CCDC33: variants seen among roughly 807,000 people sequenced by gnomAD.
The protein encoded by CCDC33 is coiled-coil domain-containing protein 33.
A neutral mutation model predicts 91.9 loss-of-function variants in CCDC33; 94 were observed. The observed-to-expected ratio is 1.02, with a 90% CI of 0.87 to 1.21. The LOEUF (loss-of-function observed/expected upper bound fraction) is 1.21, where lower values mean the gene tolerates loss of function less well. CCDC33 is among the 50% of genes most tolerant of loss of function. The probability of loss-of-function intolerance (pLI) is 0.00; values close to 1 mark genes in which losing one functional copy is unlikely to be tolerated. For synonymous variants in CCDC33, 396 were observed against 374.5 expected (o/e 1.06, Z -0.66); for missense variants, 940 against 935.5 (o/e 1.00, Z -0.06).
chr15:74,247,576 G>A (rs1348753084), intron 2 of CCDC33, among the ~76,000 whole-genome samples: 1 of 152,182 alleles, frequency 6.6e-6, no homozygotes, highest in Non-Finnish European at 1.5e-5. Flanking sequence ...TATGCTAGAT[G>A]AAATAAGCTA....
At chr15:74,306,571 G>A (rs115165811) in intron 11 of CCDC33, among the ~76,000 whole-genome samples, 1 of 152,250 alleles carries the variant, frequency 6.6e-6, no homozygotes, top group African/African-American at 2.4e-5. Context: ...GGCCTGGCCT[G>A]GGGTCTCACC....
chr15:74,218,020 C>G lies in CCDC33; in HGVS notation c.310+439C>G, dbSNP rs114445931. Among the ~76,000 whole-genome samples the G allele has an allele frequency of 6.2e-3, 936 of 151,556 alleles. 12 individuals are homozygous for G. The highest frequency in any genetic ancestry group is 0.021 in the African/African-American group (886 of 41,276). ...ACCTGGGCCCTGCCTTCTGGAACTTCCAGAGCAGGTGGAGAGGAAGGAACT... is the reference window on the plus strand; with the variant it reads ...ACCTGGGCCCTGCCTTCTGGAACTTGCAGAGCAGGTGGAGAGGAAGGAACT... On this transcript the variant is annotated intron_variant, in intron 1 of 2. Coordinates refer to the CCDC33 transcript ENST00000635913. This position sits in a 1 kb window ranked among gnomAD's most constrained non-coding sequence, Gnocchi z 4.8.
chr15:74,204,478 C>A (rs1352038313), intron 1 of CCDC33, among the ~76,000 whole-genome samples: 1 of 152,242 alleles, frequency 6.6e-6, no homozygotes, highest in South Asian at 2.1e-4. Context: ...GGCCAGCAAG[C>A]CCTTCCCTGC....
Position 74,295,778 on chromosome 15 carries a change from A to AAC in CCDC33, c.1122_1123dup (p.Asn375ThrfsTer18). The AAC allele has an allele frequency of 6.2e-7, 1 of 1,613,226 alleles. No homozygotes were observed. Among genetic ancestry groups the AAC allele is most frequent in the Non-Finnish European group, 8.5e-7 (1 of 1,179,732 alleles). On this transcript the variant is annotated frameshift_variant, in exon 11 of 19. Coordinates refer to ENST00000398814, the MANE Select transcript of CCDC33 (RefSeq NM_025055.5). LOFTEE classifies it high-confidence loss of function. The stretch of plus-strand genomic sequence containing the variant: ...GAGACCAGAAAACTTCTTGACACCA[A>AAC]ACAACAGCAAGGCTCTTCCTACCTT...
intron 3 of CCDC33, among the ~76,000 whole-genome samples, chr15:74,266,015 C>T (rs950834500): frequency 7.2e-5 from 11 of 152,276 alleles, no homozygotes; most frequent in East Asian, 3.9e-4. Flanking sequence ...CAAAGTGAGA[C>T]GCTGTCTCAA....
chr15:74,277,236 G>T (rs1035101486), intron 7 of CCDC33, among the ~76,000 whole-genome samples: 1 of 152,226 alleles, frequency 6.6e-6, no homozygotes, highest in Non-Finnish European at 1.5e-5. Context: ...GGACTTGAAG[G>T]CCACACAGCA....
chr15:74,241,713 C>G (rs1013023177), intron 1 of CCDC33, among the ~76,000 whole-genome samples: 3 of 152,164 alleles, frequency 2.0e-5, no homozygotes, highest in Non-Finnish European at 2.9e-5. Context: ...AGAGGCGAGT[C>G]GGGACATACA....
At chr15:74,271,835 C>T (rs1465927096) in intron 6 of CCDC33, 41 bp downstream of exon 6, 1 of 1,529,518 alleles carries the variant, frequency 6.5e-7, no homozygotes, top group Admixed American at 1.7e-5. Context: ...GAGGGCAGAG[C>T]AGAGGGCAGA....
At chr15:74,268,931 T>G (rs1415348744) in intron 5 of CCDC33, among the ~76,000 whole-genome samples, 1 of 152,254 alleles carries the variant, frequency 6.6e-6, no homozygotes, top group Non-Finnish European at 1.5e-5. Context: ...CCTTCAGCAC[T>G]GTGTCTAAAG....
chr15:74,237,872 G>T (rs930089564), intron 1 of CCDC33, among the ~76,000 whole-genome samples: 2 of 152,160 alleles, frequency 1.3e-5, no homozygotes, highest in African/African-American at 4.8e-5. Flanking sequence ...CATGGCCGGG[G>T]GTGGTGGCTC....
intron 11 of CCDC33, among the ~76,000 whole-genome samples, chr15:74,299,256 T>C (rs1425123654): frequency 6.6e-6 from 1 of 152,200 alleles, no homozygotes; most frequent in African/African-American, 2.4e-5. Flanking sequence ...TCCTGGTCCC[T>C]CTACCCTCCC....
At chr15:74,240,860 TG>T (rs2075325763) in intron 1 of CCDC33, among the ~76,000 whole-genome samples, 1 of 152,228 alleles carries the variant, frequency 6.6e-6, no homozygotes. Flanking sequence ...CCCAAAGTGC[TG>T]GGATTACAGG....
At position 74,316,743 on chromosome 15, in the gene CCDC33, G is replaced by A. The variant is rs542470497; in HGVS notation, c.1291-13446G>A. Among the ~76,000 whole-genome samples, 14 of 152,172 alleles carry A rather than the reference G, an allele frequency of 9.2e-5. No homozygotes were observed. Among genetic ancestry groups the A allele is most frequent in the Non-Finnish European group, 1.6e-4 (11 of 68,026 alleles). On this transcript the variant is annotated intron_variant, in intron 11 of 18. Transcript: ENST00000398814. The surrounding 1 kb of genome is among the most constrained non-coding windows in gnomAD (Gnocchi z 4.7). ...TGCTAGACCCTCCAGAGCCCCTCAT[G>A]AGAGTTGCACAGAGGAGGGAGTAAT...
At chr15:74,334,899 G>A in intron 17 of CCDC33, 76 bp from the exon 18 acceptor site, 1 of 1,206,080 alleles carries the variant, frequency 8.3e-7, no homozygotes, top group Non-Finnish European at 1.2e-6. Context: ...AGCAGGCTCA[G>A]GCCCTGGTTG....
Position 74,244,226 on chromosome 15 carries a change from C to G in CCDC33, c.185+78C>G. Reference sequence around the variant, plus strand: ...AACCAGGGGACAGCTATTTGGAATACTAGCACCCAAAGGCCCAGGACTGGG... The same window carrying G: ...AACCAGGGGACAGCTATTTGGAATAGTAGCACCCAAAGGCCCAGGACTGGG... On this transcript the variant is annotated intron_variant, in intron 2 of 18. Transcript: ENST00000398814. This position sits in a 1 kb window ranked among gnomAD's most constrained non-coding sequence, Gnocchi z 4.2. 6.6e-7 allele frequency: 1 copy of G among 1,524,046 alleles called. No homozygotes were observed. Among genetic ancestry groups the G allele is most frequent in the South Asian group, 1.3e-5 (1 of 78,562 alleles). 94.4% of individuals were successfully genotyped at this position (1,524,046 alleles called of 1,614,324 possible).
intron 2 of CCDC33, among the ~76,000 whole-genome samples, chr15:74,225,024 A>G (rs2142170038): frequency 6.6e-6 from 1 of 152,070 alleles, no homozygotes; most frequent in African/African-American, 2.4e-5. Context: ...AGATTGTTGT[A>G]ACCGAACACA....
chr15:74,280,903 C>G (rs1339900312), intron 9 of CCDC33, 102 bp downstream of exon 9: 3 of 1,192,594 alleles, frequency 2.5e-6, no homozygotes, highest in Non-Finnish European at 3.2e-6. Context: ...AATTTGGCTT[C>G]TCCAGAAGCT....
At chr15:74,295,242 C>T (rs948971301) in intron 10 of CCDC33, among the ~76,000 whole-genome samples, 16 of 152,218 alleles carry the variant, frequency 1.1e-4, no homozygotes, top group African/African-American at 3.6e-4. Context: ...AGGTTCCTTG[C>T]TGACATGGGA....
intron 2 of CCDC33, chr15:74,221,230 T>C: frequency 1.0e-6 from 1 of 978,080 alleles, no homozygotes; most frequent in Non-Finnish European, 1.2e-6. Flanking sequence ...TTTTTTTTTT[T>C]TTTTTTTTTT....
Sources: gnomAD v4.1 joint callset for allele counts (sites outside exome capture counted in the v4.1 genomes callset) on GRCh38, gnomAD v4.1.1 for gene constraint, Gnocchi (gnomAD v3.1) non-coding constraint, MANE v1.5 for transcripts, NCBI Gene and HGNC (gene_info 2026-07-23, HGNC 2026-07-21) for gene names.